Variants in ALS2 observed in about 807,000 individuals in gnomAD.
ALS2 encodes alsin Rho guanine nucleotide exchange factor ALS2.
Under a neutral mutation model 203.4 loss-of-function variants are expected in ALS2, and 117 were observed. The observed-to-expected ratio is 0.58, with a 90% CI of 0.50 to 0.67. The LOEUF (loss-of-function observed/expected upper bound fraction) is 0.67. Ranked by LOEUF, ALS2 falls within the 30% of genes least tolerant of loss-of-function variation. The probability of loss-of-function intolerance (pLI) is 0.00; values close to 1 mark genes in which losing one functional copy is unlikely to be tolerated. For missense variants in ALS2, 1,715 were observed against 1,989.4 expected, an observed-to-expected ratio of 0.86 and a Z score of 2.62; for synonymous variants, 718 against 725.9, an observed-to-expected ratio of 0.99 and a Z score of 0.17.
chr2:201,758,318 T>A (rs1693528912), intron 4 of ALS2, among the ~76,000 whole-genome samples: 2 of 152,164 alleles, frequency 1.3e-5, no homozygotes, highest in African/African-American at 4.8e-5. Flanking sequence ...CTGTAACCTA[T>A]CATCTCCCAA....
intron 13 of ALS2, 87 bp downstream of exon 13, chr2:201,733,189 T>C (rs1403971742): frequency 2.2e-6 from 3 of 1,367,986 alleles, no homozygotes; most frequent in Non-Finnish European, 3.1e-6. Context: ...ATTACTGGAG[T>C]TCCAGATCTT....
rs111659619 is a variant in ALS2, at chr2:201,724,772, T to C, written c.3348-313A>G. The stretch of plus-strand genomic sequence containing the variant: ...TTTGTCCATTAGAATCCTATATGTC[T>C]TATTATAGATAAGACCATTTTTTCA... On this transcript the variant is annotated intron_variant, in intron 20 of 33. Coordinates refer to ENST00000264276, the MANE Select transcript of ALS2 (RefSeq NM_020919.4). Among the ~76,000 whole-genome samples, 13,010 of 152,214 alleles carry C rather than the reference T, an allele frequency of 0.085. 627 individuals are homozygous for C. Among genetic ancestry groups the C allele is most frequent in the Middle Eastern group, 0.12 (35 of 294 alleles).
intron 4 of ALS2, chr2:201,759,328 A>T (rs1183093782): frequency 1.8e-5 from 16 of 870,094 alleles, no homozygotes; most frequent in African/African-American, 7.3e-5. Flanking sequence ...CAAGTGAGAG[A>T]GTCTCAGTTA....
intron 1 of ALS2, among the ~76,000 whole-genome samples, chr2:201,779,583 G>C (rs933406780): frequency 6.6e-6 from 1 of 152,078 alleles, no homozygotes; most frequent in African/African-American, 2.4e-5. Flanking sequence ...TGTAGTGGGA[G>C]GAATTAATTA....
At chr2:201,777,290 C>T in intron 1 of ALS2, among the ~76,000 whole-genome samples, 1 of 142,720 alleles carries the variant, frequency 7.0e-6, no homozygotes, top group East Asian at 1.9e-4. Context: ...GGAGCACAAA[C>T]AGCAAAGCAA....
At chr2:201,704,384 G>A in intron 32 of ALS2, 70 bp downstream of exon 32, 1 of 1,571,542 alleles carries the variant, frequency 6.4e-7, no homozygotes, top group Non-Finnish European at 8.7e-7. Flanking sequence ...CCTGCTGTCA[G>A]TTCAGAAAAT....
chr2:201,725,920 C>T (rs1031984541), intron 19 of ALS2, among the ~76,000 whole-genome samples: 1 of 152,184 alleles, frequency 6.6e-6, no homozygotes, highest in Admixed American at 6.5e-5. Context: ...ACCTACCCAA[C>T]ATTTTTTATA....
At chr2:201,707,811 A>G in intron 28 of ALS2, 58 bp downstream of exon 28, 1 of 1,595,946 alleles carries the variant, frequency 6.3e-7, no homozygotes, top group Non-Finnish European at 8.6e-7. Flanking sequence ...GGACTCTTTG[A>G]GTAAGATCAT....
chr2:201,727,161 G>C (rs1171775331), intron 17 of ALS2, 51 bp downstream of exon 17: 20 of 1,412,582 alleles, frequency 1.4e-5, no homozygotes, highest in Non-Finnish European at 2.0e-5. Flanking sequence ...TTACACAAGA[G>C]GCAGAAAGAG....
rs562255229 is a variant in ALS2 at position 201,757,770 on chromosome 2, C to T, written c.1114-11G>A. 1.9e-6 allele frequency: 3 copies of T among 1,579,620 alleles called. No individual in the cohort carries two copies. The highest frequency in any genetic ancestry group is 1.3e-5 in the African/African-American group (1 of 74,322). ...TTCTTCTAAAAGAGGCTAAAATATA[C>T]ACACATAAAAAATTATATAAAAATA... On this transcript the variant is annotated splice_polypyrimidine_tract_variant and intron_variant, in intron 4 of 33. Transcript: ENST00000264276.
chr2:201,774,898 T>C (rs1182988950), intron 1 of ALS2, among the ~76,000 whole-genome samples: 1 of 152,208 alleles, frequency 6.6e-6, no homozygotes. Flanking sequence ...CATGACTTCC[T>C]GCCCTTAAGA....
At chr2:201,780,269 C>T (rs1446249041) in intron 1 of ALS2, among the ~76,000 whole-genome samples, 1 of 152,220 alleles carries the variant, frequency 6.6e-6, no homozygotes, top group East Asian at 1.9e-4. Flanking sequence ...TCTGGCTTCG[C>T]TTCTCAAAAT....
chr2:201,723,042 C>A lies in ALS2; in HGVS notation c.3702+1G>T. 1.9e-6 allele frequency: 3 copies of A among 1,603,354 alleles called. No individual in the cohort carries two copies. The highest frequency in any genetic ancestry group is 2.6e-6 in the Non-Finnish European group (3 of 1,173,658). ...AAAAAAAAAGAAAGCTAGTTTCCAA[C>A]CTTTCCACTAAGAGTCCAGTCATCT... On this transcript the variant is annotated splice_donor_variant, in intron 23 of 33. Coordinates refer to ENST00000264276, the MANE Select transcript of ALS2 (RefSeq NM_020919.4). LOFTEE classifies it high-confidence loss of function.
At chr2:201,737,685 G>A (rs1691967166) in intron 12 of ALS2, among the ~76,000 whole-genome samples, 1 of 152,156 alleles carries the variant, frequency 6.6e-6, no homozygotes, top group Non-Finnish European at 1.5e-5. Context: ...ACTTTTGGAG[G>A]CCGAGGTGGG....
chr2:201,757,544 G>A lies in ALS2; in HGVS notation c.1329C>T (p.Pro443=), dbSNP rs746596658. 5.0e-6 allele frequency: 8 copies of A among 1,613,878 alleles called. No homozygotes were observed. Among genetic ancestry groups the A allele is most frequent in the African/African-American group, 1.3e-5 (1 of 74,904 alleles). The change falls in exon 5 of 34, where the codon CCC becomes CCT. Residue 443 remains proline, a synonymous_variant. Transcript: ENST00000264276. ...CTTCCCTGCTATCTTTCAAACCTTC[G>A]GGGCCAATGGCACTACTGCCTGCCT... ...GAQAGSSAIG[P]EGLKDSREEQ... is the part of the protein sequence containing the mutation.
At position 201,728,529 on chromosome 2, in the gene ALS2, C is replaced by T. The variant is rs373846315; in HGVS notation, c.2824G>A (p.Ala942Thr). 3.7e-6 allele frequency: 6 copies of T among 1,614,110 alleles called. No individual in the cohort carries two copies. Among genetic ancestry groups the T allele is most frequent in the East Asian group, 2.2e-5 (1 of 44,882 alleles). The change falls in exon 15 of 34, where the codon GCC becomes ACC. Residue 942 changes from alanine to threonine, a missense_variant. This residue lies in a region of ALS2 where 1,227 missense variants were observed against 1,413.5 expected (regional missense o/e 0.87). Coordinates refer to ENST00000264276, the MANE Select transcript of ALS2 (RefSeq NM_020919.4). The stretch of plus-strand genomic sequence containing the variant: ...CAGCCTACCTGGGCATGGACCAGGG[C>T]ATCATTAAAGAGAATGAACCAATTC... ...SVNWFILFNDALVHAQFSTHH... is the reference protein window; with the variant it reads ...SVNWFILFNDTLVHAQFSTHH...
intron 4 of ALS2, among the ~76,000 whole-genome samples, chr2:201,759,014 C>G (rs921177801): frequency 6.6e-6 from 1 of 152,096 alleles, no homozygotes; most frequent in Non-Finnish European, 1.5e-5. Flanking sequence ...ACAGCTCCCA[C>G]GATAGCTTGT....
rs1188963610 is a variant in ALS2 at position 201,736,126 on chromosome 2, T to C, written c.2417+2544A>G. Among the ~76,000 whole-genome samples the C allele has an allele frequency of 3.9e-5, 6 of 152,056 alleles. No individual in the cohort carries two copies. In the South Asian group the frequency reaches 6.2e-4, roughly 16 times the overall value. ...AATGTAAACTTGTCAAAACCAGAAGTTCTCAAATGTAAACAACAACAACAA... is the reference window on the plus strand; with the variant it reads ...AATGTAAACTTGTCAAAACCAGAAGCTCTCAAATGTAAACAACAACAACAA... On this transcript the variant is annotated intron_variant, in intron 12 of 33. Transcript: ENST00000264276.
chr2:201,709,808 G>A (rs549387786), intron 27 of ALS2, 73 bp downstream of exon 27: 9 of 1,577,142 alleles, frequency 5.7e-6, no homozygotes, highest in Middle Eastern at 1.7e-4. Flanking sequence ...TGATGATTCA[G>A]GGTGAAACTA....
Sources: gnomAD v4.1 joint callset for allele counts (sites outside exome capture counted in the v4.1 genomes callset) on GRCh38, gnomAD v4.1.1 for gene constraint, gnomAD v4.1.1 regional missense constraint, MANE v1.5 for transcripts, NCBI Gene and HGNC (gene_info 2026-07-23, HGNC 2026-07-21) for gene names.